The following FAM107B variants were observed in gnomAD, a reference collection of about 807,000 sequenced individuals.
FAM107B encodes the protein protein FAM107B.
FAM107B carries 21 observed loss-of-function variants against 31.5 expected under a neutral mutation model. The ratio of observed to expected loss-of-function variants is 0.67; its 90% CI spans 0.47 to 0.96. The LOEUF is 0.96. Among genes scored for constraint, FAM107B ranks in the 40% least tolerant of loss-of-function variants. The probability of loss-of-function intolerance (pLI) is 0.00; values close to 1 mark genes in which losing one functional copy is unlikely to be tolerated. For synonymous variants in FAM107B, 157 were observed against 141.5 expected (o/e 1.11, Z -0.78); for missense variants, 452 against 377.1 (o/e 1.20, Z -1.64).
chr10:14,613,854 G>T (rs1430120632), intron 2 of FAM107B, among the ~76,000 whole-genome samples: 1 of 152,194 alleles, frequency 6.6e-6, no homozygotes, highest in African/African-American at 2.4e-5. Flanking sequence ...AAGTCAGCTG[G>T]GGGCAGTGGC....
Position 14,605,916 on chromosome 10 carries a change from G to A in FAM107B, c.469+61718C>T, listed in dbSNP as rs1477804286. Among the ~76,000 whole-genome samples, 13 of 152,206 alleles carry A rather than the reference G, an allele frequency of 8.5e-5. No individual in the cohort carries two copies. In the South Asian group the frequency reaches 1.9e-3, roughly 22 times the overall value. On this transcript the variant is annotated intron_variant, in intron 2 of 4. Transcript: ENST00000181796. ...ATCTCCCTCCCCCTCTGCTGGCACC[G>A]CCACTGTTGCCTTTGGGCTCAGTCA...
At chr10:14,661,041 C>A (rs948355298) in intron 2 of FAM107B, among the ~76,000 whole-genome samples, 2 of 152,160 alleles carry the variant, frequency 1.3e-5, no homozygotes, top group African/African-American at 2.4e-5. Flanking sequence ...GCACCTTCCA[C>A]TTCGCCCTCT....
intron 1 of FAM107B, among the ~76,000 whole-genome samples, chr10:14,670,596 C>A (rs1854516739): frequency 6.6e-6 from 1 of 152,226 alleles, no homozygotes; most frequent in East Asian, 1.9e-4. Context: ...AGACTCTCCC[C>A]TTTGAGCCAG....
At chr10:14,563,035 A>G (rs983017057) in intron 2 of FAM107B, among the ~76,000 whole-genome samples, 3 of 152,224 alleles carry the variant, frequency 2.0e-5, no homozygotes, top group Non-Finnish European at 2.9e-5. Context: ...TATTCAATCA[A>G]TGAATTACTA....
rs768204428 is a variant in FAM107B, at chr10:14,570,233, G to GGTGGGTGT, written c.470-39719_470-39718insACACCCAC. Among the ~76,000 whole-genome samples the GGTGGGTGT allele has an allele frequency of 2.2e-3, 303 of 140,426 alleles. 7 individuals carry two copies. The East Asian group carries it at 0.043, about 20-fold the overall frequency. The allele number at this position is 140,426 out of a possible 152,430, so 92.1% of individuals were successfully genotyped here. A position where few individuals can be genotyped will look rare whatever the true frequency, so the allele number is the denominator to read the frequency against. ...ACGTACCTACCAAAAAAATGTGGTG[G>GGTGGGTGT]GTGTGTGTGTGTGTGTGTGTGTGTG... is the stretch of plus-strand genomic sequence containing the variant. On this transcript the variant is annotated intron_variant, in intron 2 of 4. Coordinates refer to ENST00000181796, the MANE Select transcript of FAM107B (RefSeq NM_031453.4).
chr10:14,531,860 G>C (rs772684517), intron 2 of FAM107B, among the ~76,000 whole-genome samples: 12 of 151,944 alleles, frequency 7.9e-5, no homozygotes, highest in Non-Finnish European at 1.8e-4. Flanking sequence ...AAAAGGAAAG[G>C]GAATGAAACG....
chr10:14,532,894 T>G (rs375518027), intron 2 of FAM107B, among the ~76,000 whole-genome samples: 55 of 152,128 alleles, frequency 3.6e-4, no homozygotes, highest in African/African-American at 1.3e-3. Context: ...GGAGGGAATG[T>G]GACAGAAGAG....
intron 1 of FAM107B, among the ~76,000 whole-genome samples, chr10:14,699,059 G>C (rs1855333774): frequency 6.6e-6 from 1 of 151,778 alleles, no homozygotes; most frequent in Non-Finnish European, 1.5e-5. Context: ...CAGAGGTGGG[G>C]GGCAGGGGTA....
intron 1 of FAM107B, among the ~76,000 whole-genome samples, chr10:14,749,516 A>G (rs976954467): frequency 6.6e-6 from 1 of 152,202 alleles, no homozygotes; most frequent in African/African-American, 2.4e-5. Context: ...TCATTATATA[A>G]TAATTTCCCC....
chr10:14,519,986 GC>G lies in FAM107B; in HGVS notation c.*1203del, dbSNP rs1394520848. ...CTAGCTAGAACAAGGGAACTCAGCA[GC>G]CCCTCCCTTCCCATCAGCTGTTCCT... On this transcript the variant is annotated 3_prime_UTR_variant, in exon 5 of 5. Coordinates refer to ENST00000181796, the MANE Select transcript of FAM107B (RefSeq NM_031453.4). 1 of 152,636 alleles carries G rather than the reference GC, an allele frequency of 6.6e-6. No individual in the cohort carries two copies. Among genetic ancestry groups the G allele is most frequent in the Non-Finnish European group, 1.5e-5 (1 of 68,040 alleles). The allele number at this position is 152,636 out of a possible 1,614,324, so 9.5% of individuals were successfully genotyped here. A position where few individuals can be genotyped will look rare whatever the true frequency, so the allele number is the denominator to read the frequency against.
At chr10:14,609,331 G>A (rs534317553) in intron 2 of FAM107B, among the ~76,000 whole-genome samples, 7 of 152,254 alleles carry the variant, frequency 4.6e-5, no homozygotes, top group Admixed American at 4.6e-4. Context: ...CAAGATCTTG[G>A]CAGGGCTCAT....
At chr10:14,589,591 G>T (rs1386855425) in intron 2 of FAM107B, among the ~76,000 whole-genome samples, 1 of 152,086 alleles carries the variant, frequency 6.6e-6, no homozygotes, top group Non-Finnish European at 1.5e-5. Flanking sequence ...AGGAAGAAAT[G>T]AATGACTGAA....
At chr10:14,673,787 T>A (rs1026539920) in intron 1 of FAM107B, among the ~76,000 whole-genome samples, 4 of 152,198 alleles carry the variant, frequency 2.6e-5, no homozygotes, top group Admixed American at 6.5e-5. Flanking sequence ...TATTTTTTTG[T>A]CTTCTTGATA....
At chr10:14,743,087 T>C (rs1832653815) in intron 1 of FAM107B, among the ~76,000 whole-genome samples, 1 of 152,238 alleles carries the variant, frequency 6.6e-6, no homozygotes, top group Admixed American at 6.5e-5. Context: ...TGGTCTCTCA[T>C]TGTGGTTTTG....
At chr10:14,771,894 A>T (rs1012216909) in intron 1 of FAM107B, among the ~76,000 whole-genome samples, 6 of 152,226 alleles carry the variant, frequency 3.9e-5, no homozygotes, top group Non-Finnish European at 7.3e-5. Context: ...CTCAAACACT[A>T]CACAATTAAT....
intron 1 of FAM107B, among the ~76,000 whole-genome samples, chr10:14,733,110 T>C (rs914332693): frequency 6.7e-6 from 1 of 149,238 alleles, no homozygotes; most frequent in South Asian, 2.1e-4. Flanking sequence ...TAATAATATA[T>C]AGCATATTTT....
chr10:14,706,559 T>C (rs941632998), intron 1 of FAM107B, among the ~76,000 whole-genome samples: 2 of 152,196 alleles, frequency 1.3e-5, no homozygotes, highest in Admixed American at 6.5e-5. Flanking sequence ...GTATGTTACA[T>C]GTATGTTTAC....
chr10:14,632,590 A>T (rs531512869), intron 2 of FAM107B, among the ~76,000 whole-genome samples: 1 of 148,912 alleles, frequency 6.7e-6, no homozygotes, highest in Non-Finnish European at 1.5e-5. Flanking sequence ...CAGCCTGGGC[A>T]ACAAGGCAAG....
chr10:14,718,098 G>A (rs965960210), intron 1 of FAM107B, among the ~76,000 whole-genome samples: 4 of 152,100 alleles, frequency 2.6e-5, no homozygotes, highest in African/African-American at 4.8e-5. Flanking sequence ...AGGCCAAGGC[G>A]GGCAGATCAC....
Sources: gnomAD v4.1 joint callset for allele counts (sites outside exome capture counted in the v4.1 genomes callset) on GRCh38, gnomAD v4.1.1 for gene constraint, MANE v1.5 for transcripts, NCBI Gene and HGNC (gene_info 2026-07-23, HGNC 2026-07-21) for gene names.